The following DPYD variants were observed in gnomAD, a reference collection of about 807,000 sequenced individuals.
DPYD encodes the protein dihydropyrimidine dehydrogenase [NADP(+)].
DPYD carries 109 observed loss-of-function variants against 116.2 expected under a neutral mutation model. The ratio of observed to expected loss-of-function variants is 0.94; its 90% confidence interval spans 0.80 to 1.10. The LOEUF (loss-of-function observed/expected upper bound fraction) is 1.10. DPYD is among the 50% of genes least tolerant of loss of function. The pLI, the probability that DPYD is intolerant of heterozygous loss-of-function variation, is 0.00. For synonymous variants in DPYD, 440 were observed against 432.0 expected (o/e 1.02, Z -0.23); for missense variants, 1,302 against 1,254.5 (o/e 1.04, Z -0.57).
At chr1:97,109,219 A>C (rs1364795131) in intron 20 of DPYD, among the ~76,000 whole-genome samples, 1 of 152,164 alleles carries the variant, frequency 6.6e-6, no homozygotes, top group Non-Finnish European at 1.5e-5. Flanking sequence ...GTATTATTAC[A>C]TTGTGCATAA....
intron 3 of DPYD, among the ~76,000 whole-genome samples, chr1:97,784,107 T>A (rs1020713590): frequency 3.3e-5 from 5 of 152,172 alleles, no homozygotes; most frequent in Admixed American, 1.3e-4. Context: ...TAATATGCAA[T>A]ACTTGACTTC....
chr1:97,254,750 T>A (rs991918120), intron 18 of DPYD, among the ~76,000 whole-genome samples: 5 of 152,190 alleles, frequency 3.3e-5, no homozygotes, highest in African/African-American at 1.2e-4. Context: ...TTATGAAGTG[T>A]TAAAATAAAC....
chr1:97,673,149 T>C (rs1049402551), intron 8 of DPYD, among the ~76,000 whole-genome samples: 1 of 152,116 alleles, frequency 6.6e-6, no homozygotes, highest in Non-Finnish European at 1.5e-5. Flanking sequence ...CATGCTTTAG[T>C]TGCCATTTAC....
chr1:97,766,876 A>G lies in DPYD; in HGVS notation c.234-26397T>C, dbSNP rs532311966. Among the ~76,000 whole-genome samples, 16 of 152,354 alleles carry G rather than the reference A, an allele frequency of 1.1e-4. No homozygotes were observed. The East Asian group carries it at 1.5e-3, about 15-fold the overall frequency. On this transcript the variant is annotated intron_variant, in intron 3 of 22. Transcript: ENST00000370192. ...AAGAATAAGTCTAAGAAAACTAATCAGGTGCCAAATAGAACATTTCTTCAG... is the reference window on the plus strand; with the variant it reads ...AAGAATAAGTCTAAGAAAACTAATCGGGTGCCAAATAGAACATTTCTTCAG...
At position 97,561,958 on chromosome 1, in the gene DPYD, T is replaced by C. The variant is rs997784191; in HGVS notation, c.1339+11802A>G. Among the ~76,000 whole-genome samples, 8 of 152,356 alleles carry C rather than the reference T, an allele frequency of 5.3e-5. No homozygotes were observed. The East Asian group carries it at 7.7e-4, about 15-fold the overall frequency. ...ACACCAGAAATTTATCTGTTTCTCC[T>C]GAGTCACTTTCTACCTAAAGGTAAC... On this transcript the variant is annotated intron_variant, in intron 11 of 22. Coordinates refer to ENST00000370192, the MANE Select transcript of DPYD (RefSeq NM_000110.4).
At chr1:97,092,957 T>G (rs1437532540) in intron 21 of DPYD, among the ~76,000 whole-genome samples, 2 of 152,056 alleles carry the variant, frequency 1.3e-5, no homozygotes, top group African/African-American at 2.4e-5. Context: ...CATAGCCAAT[T>G]ACCAAATCCA....
Position 97,364,030 on chromosome 1 carries a change from T to A in DPYD, c.2058+9531A>T, listed in dbSNP as rs142837410. On this transcript the variant is annotated intron_variant, in intron 16 of 22. Transcript: ENST00000370192. ...TTTCATTCTTTTTATGGCTGAGTAG[T>A]ATTCCATGATATCTATATCTATATC... Among the ~76,000 whole-genome samples, 829 of 152,294 alleles carry A rather than the reference T, an allele frequency of 5.4e-3. 10 individuals carry two copies. The highest frequency in any genetic ancestry group is 0.019 in the African/African-American group (775 of 41,582).
At chr1:97,301,375 C>T (rs555495941) in intron 18 of DPYD, among the ~76,000 whole-genome samples, 12 of 151,992 alleles carry the variant, frequency 7.9e-5, no homozygotes, top group Admixed American at 6.6e-4. Context: ...ATTTCCTTTC[C>T]TTTGGTGAAA....
chr1:97,133,379 T>C (rs1353040768), intron 20 of DPYD, among the ~76,000 whole-genome samples: 1 of 152,118 alleles, frequency 6.6e-6, no homozygotes. Context: ...TTTGAAAAAA[T>C]AACTTTTTTC....
chr1:97,691,716 C>G lies in DPYD; in HGVS notation c.762+1G>C. The G allele has an allele frequency of 6.2e-7, 1 of 1,612,834 alleles. No individual in the cohort carries two copies. The highest frequency in any genetic ancestry group is 8.5e-7 in the Non-Finnish European group (1 of 1,179,146). On this transcript the variant is annotated splice_donor_variant, in intron 7 of 22. Transcript: ENST00000370192. LOFTEE classifies it high-confidence loss of function. ...CACAGATAGGTGTTTTTTTCATTTACCTTTACACCAAGGTCCTTCATTAGC... is the reference window on the plus strand; with the variant it reads ...CACAGATAGGTGTTTTTTTCATTTAGCTTTACACCAAGGTCCTTCATTAGC...
chr1:97,270,033 G>A (rs1467105662), intron 18 of DPYD, among the ~76,000 whole-genome samples: 1 of 152,060 alleles, frequency 6.6e-6, no homozygotes, highest in Non-Finnish European at 1.5e-5. Flanking sequence ...CATATTTCAG[G>A]TGCTTTTCGG....
At chr1:97,283,360 T>C (rs1384679189) in intron 18 of DPYD, among the ~76,000 whole-genome samples, 1 of 152,114 alleles carries the variant, frequency 6.6e-6, no homozygotes, top group East Asian at 1.9e-4. Flanking sequence ...CAGAAAACAT[T>C]GTCTTAGTTA....
At chr1:97,461,414 A>G (rs1005141244) in intron 13 of DPYD, among the ~76,000 whole-genome samples, 1 of 152,210 alleles carries the variant, frequency 6.6e-6, no homozygotes, top group Admixed American at 6.5e-5. Flanking sequence ...AAACTTCCCT[A>G]TAGAGGTAAT....
At chr1:97,582,882 G>T (rs2102216602) in intron 10 of DPYD, among the ~76,000 whole-genome samples, 1 of 152,324 alleles carries the variant, frequency 6.6e-6, no homozygotes, top group South Asian at 2.1e-4. Context: ...GATATGCAAT[G>T]TAAGGAATAA....
chr1:97,830,756 G>C (rs936369929), intron 2 of DPYD, among the ~76,000 whole-genome samples: 7 of 151,682 alleles, frequency 4.6e-5, no homozygotes, highest in Non-Finnish European at 8.8e-5. Flanking sequence ...TGGACACTGA[G>C]AGACTGTAGT....
At chr1:97,155,352 T>C (rs1655364799) in intron 20 of DPYD, among the ~76,000 whole-genome samples, 1 of 152,206 alleles carries the variant, frequency 6.6e-6, no homozygotes, top group Admixed American at 6.5e-5. Flanking sequence ...TATCAAATGT[T>C]ATAACCTGTT....
intron 11 of DPYD, among the ~76,000 whole-genome samples, chr1:97,553,911 T>G (rs374759229): frequency 6.6e-6 from 1 of 152,126 alleles, no homozygotes; most frequent in African/African-American, 2.4e-5. Flanking sequence ...TTATAAAGAA[T>G]GAAAACGTCC....
At chr1:97,526,654 T>C (rs944920464) in intron 12 of DPYD, among the ~76,000 whole-genome samples, 55 of 152,278 alleles carry the variant, frequency 3.6e-4, no homozygotes, top group African/African-American at 1.3e-3. Flanking sequence ...TAGGTGTCTA[T>C]TTTATTCAAC....
At chr1:97,574,672 T>C (rs1366192342) in intron 10 of DPYD, among the ~76,000 whole-genome samples, 1 of 152,178 alleles carries the variant, frequency 6.6e-6, no homozygotes, top group Non-Finnish European at 1.5e-5. Context: ...GGAATGTTCA[T>C]TGAGACAGAA....
Sources: allele counts gnomAD v4.1 joint callset (sites outside exome capture counted in the v4.1 genomes callset), GRCh38; gene constraint gnomAD v4.1.1; transcripts MANE v1.5; gene names NCBI Gene and HGNC (gene_info 2026-07-23, HGNC 2026-07-21).